TADA2A: variants seen among roughly 807,000 people sequenced by gnomAD.
TADA2A encodes the protein transcriptional adapter 2-alpha.
TADA2A carries 38 observed loss-of-function variants against 67.4 expected under a neutral mutation model. The observed-to-expected ratio is 0.56, with a 90% CI of 0.44 to 0.74. TADA2A has a LOEUF of 0.74. Ranked by LOEUF, TADA2A falls within the 30% of genes least tolerant of loss-of-function variation. The pLI, the probability that TADA2A is intolerant of heterozygous loss-of-function variation, is 0.00. For synonymous variants in TADA2A, 192 were observed against 181.6 expected, an observed-to-expected ratio of 1.06 and a Z score of -0.46; for missense variants, 454 against 547.0, an observed-to-expected ratio of 0.83 and a Z score of 1.70.
chr17:37,428,744 AATT>A (rs2052481326), intron 4 of TADA2A, among the ~76,000 whole-genome samples: 1 of 134,888 alleles, frequency 7.4e-6, no homozygotes, highest in South Asian at 2.2e-4. Flanking sequence ...ATGCCTGGCT[AATT>A]TAAAAATTTT....
At chr17:37,432,794 A>G (rs768325935) in intron 4 of TADA2A, among the ~76,000 whole-genome samples, 1 of 152,184 alleles carries the variant, frequency 6.6e-6, no homozygotes, top group Non-Finnish European at 1.5e-5. Flanking sequence ...CAAAGCATTT[A>G]TATCATTTTA....
chr17:37,411,677 A>G (rs979855563), intron 2 of TADA2A, among the ~76,000 whole-genome samples: 3 of 151,570 alleles, frequency 2.0e-5, no homozygotes, highest in Admixed American at 1.3e-4. Context: ...TGATCCACCC[A>G]CCTCGGCCTC....
intron 3 of TADA2A, among the ~76,000 whole-genome samples, chr17:37,424,809 G>T (rs976546886): frequency 3.9e-5 from 6 of 152,150 alleles, no homozygotes; most frequent in African/African-American, 1.4e-4. Context: ...GCCTGCCTCG[G>T]TCTCCCAAAG....
intron 8 of TADA2A, 136 bp downstream of exon 8, chr17:37,444,904 G>A: frequency 2.5e-6 from 2 of 789,412 alleles, no homozygotes; most frequent in East Asian, 5.1e-5. Context: ...TTAAGTTGCT[G>A]AACTTACTGT....
intron 9 of TADA2A, 35 bp downstream of exon 9, chr17:37,458,622 C>A: frequency 1.9e-6 from 3 of 1,546,038 alleles, no homozygotes; most frequent in Non-Finnish European, 2.7e-6. Context: ...CTCCTTTCAG[C>A]TTTGGATTAT....
chr17:37,439,642 G>T (rs1482908855), intron 5 of TADA2A, among the ~76,000 whole-genome samples: 1 of 152,046 alleles, frequency 6.6e-6, no homozygotes, highest in East Asian at 1.9e-4. Flanking sequence ...TTGAAATTGA[G>T]ATAGTAACAA....
chr17:37,422,454 T>TA (rs2052267519), intron 2 of TADA2A, among the ~76,000 whole-genome samples: 1 of 150,140 alleles, frequency 6.7e-6, no homozygotes, highest in Non-Finnish European at 1.5e-5. Context: ...GTGCTGGGAT[T>TA]ACAGGCGTGA....
chr17:37,432,981 C>T (rs1236771230), intron 4 of TADA2A, among the ~76,000 whole-genome samples: 1 of 112,498 alleles, frequency 8.9e-6, no homozygotes, highest in East Asian at 3.1e-4. Flanking sequence ...AATTCAGATA[C>T]AAATAAGATT....
intron 2 of TADA2A, 50 bp from the exon 3 acceptor site, chr17:37,423,459 G>A (rs1467832328): frequency 7.1e-7 from 1 of 1,408,014 alleles, no homozygotes; most frequent in Non-Finnish European, 9.8e-7. Context: ...TTGCACTTAA[G>A]ATAACCGTAA....
chr17:37,465,380 CAG>C, intron 10 of TADA2A, 49 bp from the exon 11 acceptor site: 1 of 1,404,622 alleles, frequency 7.1e-7, no homozygotes, highest in Non-Finnish European at 9.8e-7. Context: ...GCTGAAAACT[CAG>C]GGATCCTTAC....
intron 8 of TADA2A, among the ~76,000 whole-genome samples, chr17:37,453,712 G>T (rs1055659955): frequency 1.3e-5 from 2 of 151,544 alleles, no homozygotes; most frequent in African/African-American, 4.8e-5. Flanking sequence ...CATTCCAGAG[G>T]CTTTAGGCTC....
At chr17:37,418,985 C>T (rs2052145412) in intron 2 of TADA2A, among the ~76,000 whole-genome samples, 1 of 145,850 alleles carries the variant, frequency 6.9e-6, no homozygotes, top group African/African-American at 2.5e-5. Flanking sequence ...CCTGCCTTTT[C>T]CTCCCAAAGT....
chr17:37,459,314 G>A (rs370050350), intron 9 of TADA2A, among the ~76,000 whole-genome samples: 1 of 146,916 alleles, frequency 6.8e-6, no homozygotes, highest in East Asian at 2.0e-4. Flanking sequence ...ATGGAGTCTC[G>A]TTCTGTCACC....
chr17:37,459,582 CT>C (rs80266428), intron 9 of TADA2A, among the ~76,000 whole-genome samples: 196 of 133,242 alleles, frequency 1.5e-3, no homozygotes, highest in Non-Finnish European at 1.5e-3. Context: ...CGTGTTCAAC[CT>C]TTTTTTTTTT....
intron 4 of TADA2A, among the ~76,000 whole-genome samples, chr17:37,432,184 T>G (rs1177685765): frequency 3.3e-5 from 5 of 149,732 alleles, no homozygotes; most frequent in East Asian, 2.0e-4. Flanking sequence ...ATTTTTTTTT[T>G]GTGACAGTCT....
chr17:37,476,811 G>A lies in TADA2A; in HGVS notation c.1161G>A (p.Val387=), dbSNP rs566257818. The change falls in exon 16 of 16, where the codon GTG becomes GTA. Residue 387 remains valine, a synonymous_variant. Coordinates refer to ENST00000615182, the MANE Select transcript of TADA2A (RefSeq NM_001166105.3). ...GTGTCTTGCAGCTCTGTCAGATGGT[G>A]AGGTTGGTCCCTGGAGCCTATTTAG... is the stretch of plus-strand genomic sequence containing the variant. ...NEKEKELCQM[V]RLVPGAYLEY... 209 of 1,609,864 alleles carry A rather than the reference G, an allele frequency of 1.3e-4. 1 individual carries two copies. The South Asian group carries it at 2.2e-3, about 17-fold the overall frequency.
At chr17:37,428,446 T>TA (rs2052472018) in intron 4 of TADA2A, among the ~76,000 whole-genome samples, 1 of 152,212 alleles carries the variant, frequency 6.6e-6, no homozygotes. Flanking sequence ...ATTCCCTGGC[T>TA]CTGGGCCCCC....
chr17:37,445,728 T>C (rs1022709151), intron 8 of TADA2A, among the ~76,000 whole-genome samples: 1 of 152,172 alleles, frequency 6.6e-6, no homozygotes, highest in African/African-American at 2.4e-5. Flanking sequence ...CATACTAATA[T>C]ATACTAATAC....
chr17:37,477,064 T>C lies in TADA2A; in HGVS notation c.*82T>C, dbSNP rs2053906349. 1 of 1,405,142 alleles carries C rather than the reference T, an allele frequency of 7.1e-7. No individual in the cohort carries two copies. The highest frequency in any genetic ancestry group is 2.2e-5 in the Admixed American group (1 of 45,802). The allele number at this position is 1,405,142 out of a possible 1,614,324, so 87.0% of individuals were successfully genotyped here. ...CAATATGGGTGGGCATTCTGGAGAG[T>C]TGTTTTTCAGCTGAATTCTCATGGT... On this transcript the variant is annotated 3_prime_UTR_variant, in exon 16 of 16. Transcript: ENST00000615182.
Sources: allele counts gnomAD v4.1 joint callset (sites outside exome capture counted in the v4.1 genomes callset), GRCh38; gene constraint gnomAD v4.1.1; transcripts MANE v1.5; gene names NCBI Gene and HGNC (gene_info 2026-07-23, HGNC 2026-07-21).